MGAT5: variants seen among roughly 807,000 people sequenced by gnomAD.
MGAT5 encodes the protein alpha-1,6-mannosylglycoprotein 6-beta-N-acetylglucosaminyltransferase A.
In MGAT5, 30 loss-of-function variants were observed where a neutral mutation model predicts 94.3. That is an observed-to-expected ratio of 0.32 (90% CI 0.24 to 0.43). The LOEUF is 0.43. MGAT5 is among the 20% of genes least tolerant of loss of function. The pLI is 1.00. For missense variants in MGAT5, 691 were observed against 905.5 expected, an observed-to-expected ratio of 0.76 and a Z score of 3.04; for synonymous variants, 310 against 322.9, an observed-to-expected ratio of 0.96 and a Z score of 0.43.
intron 11 of MGAT5, among the ~76,000 whole-genome samples, chr2:134,406,761 G>T (rs991837566): frequency 5.9e-5 from 9 of 152,032 alleles, no homozygotes; most frequent in East Asian, 1.9e-4. Context: ...TGTGCGTGGT[G>T]GCATTTACCT....
At chr2:134,160,778 T>C (rs1687697934) in intron 1 of MGAT5, among the ~76,000 whole-genome samples, 1 of 152,248 alleles carries the variant, frequency 6.6e-6, no homozygotes. Flanking sequence ...CTGTGCTTAG[T>C]TCCTTCATCT....
At chr2:134,323,477 T>C (rs1306596948) in intron 4 of MGAT5, among the ~76,000 whole-genome samples, 9 of 152,254 alleles carry the variant, frequency 5.9e-5, no homozygotes, top group Middle Eastern at 3.4e-3. Context: ...CACAATCTTA[T>C]TTAAACCTCT....
intron 1 of MGAT5, among the ~76,000 whole-genome samples, chr2:134,231,030 A>G (rs1681336485): frequency 6.6e-6 from 1 of 152,198 alleles, no homozygotes; most frequent in African/African-American, 2.4e-5. Flanking sequence ...AACACTGCAT[A>G]TTATGATTCT....
chr2:134,193,006 A>T (rs1679302770), intron 1 of MGAT5, among the ~76,000 whole-genome samples: 1 of 152,168 alleles, frequency 6.6e-6, no homozygotes, highest in Non-Finnish European at 1.5e-5. Flanking sequence ...CCAGTATTTA[A>T]TAAATTTTTT....
intron 2 of MGAT5, among the ~76,000 whole-genome samples, chr2:134,290,537 TGGTCATAG>T (rs1347785316): frequency 6.6e-6 from 1 of 152,244 alleles, no homozygotes; most frequent in Non-Finnish European, 1.5e-5. Context: ...GTGCTATCTT[TGGTCATAG>T]AAATTGTTCT....
chr2:134,398,713 T>C (rs1682856660), intron 10 of MGAT5, among the ~76,000 whole-genome samples: 1 of 149,808 alleles, frequency 6.7e-6, no homozygotes, highest in Non-Finnish European at 1.5e-5. Context: ...ATAAAGAAAA[T>C]ATGTACATAA....
chr2:134,443,482 G>A (rs1423020934), intron 15 of MGAT5, among the ~76,000 whole-genome samples: 2 of 152,190 alleles, frequency 1.3e-5, no homozygotes, highest in African/African-American at 4.8e-5. Context: ...GTGAGCCATC[G>A]TGCCCGGCCC....
chr2:134,300,421 A>T (rs573714506), intron 2 of MGAT5, among the ~76,000 whole-genome samples: 2 of 152,014 alleles, frequency 1.3e-5, no homozygotes, highest in Admixed American at 1.3e-4. Flanking sequence ...AGTACTAGTG[A>T]CTCTTTCTGC....
chr2:134,202,527 G>C (rs939382777), intron 1 of MGAT5, among the ~76,000 whole-genome samples: 3 of 152,186 alleles, frequency 2.0e-5, no homozygotes, highest in South Asian at 4.1e-4. Flanking sequence ...AAAGTGTTTC[G>C]TTTTACTAGG....
intron 2 of MGAT5, among the ~76,000 whole-genome samples, chr2:134,304,682 T>A (rs1573749957): frequency 1.3e-5 from 2 of 152,330 alleles, no homozygotes; most frequent in South Asian, 4.1e-4. Flanking sequence ...CATGTTCTTT[T>A]CTACATGAAG....
intron 8 of MGAT5, among the ~76,000 whole-genome samples, chr2:134,347,824 A>G (rs1689011918): frequency 6.6e-6 from 1 of 152,196 alleles, no homozygotes; most frequent in Admixed American, 6.5e-5. Flanking sequence ...AATAAATGGA[A>G]GAAGCTGAGC....
chr2:134,246,646 A>T (rs750416520), intron 1 of MGAT5, among the ~76,000 whole-genome samples: 6 of 152,158 alleles, frequency 3.9e-5, no homozygotes, highest in Non-Finnish European at 7.3e-5. Context: ...TCTTAATAGT[A>T]CTGGACTTTG....
intron 4 of MGAT5, among the ~76,000 whole-genome samples, chr2:134,331,256 T>G (rs1687951924): frequency 6.6e-6 from 1 of 152,194 alleles, no homozygotes; most frequent in African/African-American, 2.4e-5. Context: ...TTATATCTCC[T>G]TGTTCAAGAA....
intron 10 of MGAT5, among the ~76,000 whole-genome samples, chr2:134,394,850 G>A (rs1164865326): frequency 6.6e-6 from 1 of 152,210 alleles, no homozygotes; most frequent in Non-Finnish European, 1.5e-5. Context: ...AGCTCATCAA[G>A]CTATCTCCTC....
Position 134,257,265 on chromosome 2 carries a change from C to T in MGAT5, c.241+2621C>T, listed in dbSNP as rs537846546. 1.1e-4 allele frequency among the ~76,000 whole-genome samples: 16 copies of T among 152,208 alleles called. No homozygotes were observed. In the South Asian group the frequency reaches 3.1e-3, roughly 30 times the overall value. ...TGTTTGTTTCTGAGATGGAGTCTTG[C>T]GTTGTTGCCCAGGCTGGAGTGCAGT... On this transcript the variant is annotated intron_variant, in intron 1 of 15. Coordinates refer to ENST00000281923, the MANE Select transcript of MGAT5 (RefSeq NM_002410.5).
At chr2:134,146,642 C>T (rs1252057484) in intron 1 of MGAT5, among the ~76,000 whole-genome samples, 11 of 152,120 alleles carry the variant, frequency 7.2e-5, no homozygotes, top group Admixed American at 7.2e-4. Flanking sequence ...GATAATGCTG[C>T]TGTTGTTTCT....
At chr2:134,270,748 G>C (rs1452928754) in intron 2 of MGAT5, among the ~76,000 whole-genome samples, 198 bp downstream of exon 2, 1 of 152,216 alleles carries the variant, frequency 6.6e-6, no homozygotes, top group Non-Finnish European at 1.5e-5. Flanking sequence ...TTATCATGAT[G>C]CATAATATTT....
intron 1 of MGAT5, among the ~76,000 whole-genome samples, chr2:134,190,743 T>C (rs1172468146): frequency 6.6e-6 from 1 of 152,108 alleles, no homozygotes; most frequent in African/African-American, 2.4e-5. Flanking sequence ...CTCCCCAGGC[T>C]CAGGTGATAC....
chr2:134,423,023 C>T (rs1684383219), intron 13 of MGAT5, 104 bp downstream of exon 13: 1 of 773,728 alleles, frequency 1.3e-6, no homozygotes, highest in African/African-American at 1.7e-5. Context: ...TTTACCACAT[C>T]AGCTTAACTC....
Sources: gnomAD v4.1 joint callset for allele counts (sites outside exome capture counted in the v4.1 genomes callset) on GRCh38, gnomAD v4.1.1 for gene constraint, MANE v1.5 for transcripts, NCBI Gene and HGNC (gene_info 2026-07-23, HGNC 2026-07-21) for gene names.